Variants in PRKCA observed in about 807,000 individuals in gnomAD.
The protein encoded by PRKCA is protein kinase C alpha type.
In PRKCA, 27 loss-of-function variants were observed where a neutral mutation model predicts 87.0. That is an observed-to-expected ratio of 0.31 (90% CI 0.23 to 0.43). PRKCA has a LOEUF of 0.43. PRKCA is among the 20% of genes least tolerant of loss of function. The probability of loss-of-function intolerance (pLI) is 1.00; values close to 1 mark genes in which losing one functional copy is unlikely to be tolerated. For synonymous variants in PRKCA, 329 were observed against 311.1 expected, an observed-to-expected ratio of 1.06 and a Z score of -0.61; for missense variants, 518 against 852.3, an observed-to-expected ratio of 0.61 and a Z score of 4.88.
At chr17:66,712,185 C>T (rs950495679) in intron 8 of PRKCA, among the ~76,000 whole-genome samples, 3 of 152,132 alleles carry the variant, frequency 2.0e-5, no homozygotes, top group Non-Finnish European at 4.4e-5. Context: ...AGAGGCACCT[C>T]TTGATCACTC....
chr17:66,556,884 A>G (rs1968512195), intron 3 of PRKCA, among the ~76,000 whole-genome samples: 1 of 152,182 alleles, frequency 6.6e-6, no homozygotes, highest in African/African-American at 2.4e-5. Flanking sequence ...TGTCCTTATA[A>G]CAGCATGAGA....
At chr17:66,326,995 G>A (rs927620695) in intron 2 of PRKCA, among the ~76,000 whole-genome samples, 5 of 152,094 alleles carry the variant, frequency 3.3e-5, no homozygotes, top group African/African-American at 1.2e-4. Flanking sequence ...CTTGAGCCCT[G>A]GAGTTGAAGG....
At chr17:66,762,204 C>T (rs1223240596) in intron 13 of PRKCA, among the ~76,000 whole-genome samples, 2 of 152,186 alleles carry the variant, frequency 1.3e-5, no homozygotes, top group Admixed American at 6.5e-5. Context: ...CAAAATGTTT[C>T]CTCTGTCCCC....
At chr17:66,491,318 G>A (rs1916235297) in intron 2 of PRKCA, among the ~76,000 whole-genome samples, 2 of 152,144 alleles carry the variant, frequency 1.3e-5, no homozygotes, top group Admixed American at 6.5e-5. Flanking sequence ...CAAAGTCTTT[G>A]AAGATGAGGC....
intron 13 of PRKCA, among the ~76,000 whole-genome samples, chr17:66,773,771 T>G (rs1051541332): frequency 3.9e-5 from 6 of 152,086 alleles, no homozygotes; most frequent in Non-Finnish European, 8.8e-5. Context: ...CAGAACAAGA[T>G]TCCCCAAACC....
intron 2 of PRKCA, among the ~76,000 whole-genome samples, chr17:66,474,887 A>T (rs757862012): frequency 1.3e-5 from 2 of 152,162 alleles, no homozygotes; most frequent in African/African-American, 2.4e-5. Context: ...GATCTGCAGC[A>T]GCAACAGCTC....
rs1972803185 is a variant in PRKCA, at chr17:66,692,214, A to G, written c.918+3167A>G. On this transcript the variant is annotated intron_variant, in intron 8 of 16. Transcript: ENST00000413366. ...GTCTGTGTTTGGAGCATCTACATGAACTGCATTCTAACCTTTGCTTTAAAT... is the reference window on the plus strand; with the variant it reads ...GTCTGTGTTTGGAGCATCTACATGAGCTGCATTCTAACCTTTGCTTTAAAT... Among the ~76,000 whole-genome samples, 3 of 152,278 alleles carry G rather than the reference A, an allele frequency of 2.0e-5. 1 individual carries two copies. The highest frequency in any genetic ancestry group is 2.0e-4 in the Admixed American group (3 of 15,302).
intron 8 of PRKCA, among the ~76,000 whole-genome samples, chr17:66,708,749 T>G (rs1406284990): frequency 6.6e-6 from 1 of 152,168 alleles, no homozygotes; most frequent in African/African-American, 2.4e-5. Context: ...CAGGCAACCC[T>G]CTGAGAAAGA....
chr17:66,489,434 T>C (rs1219607468), intron 2 of PRKCA, among the ~76,000 whole-genome samples: 1 of 147,322 alleles, frequency 6.8e-6, no homozygotes, highest in Non-Finnish European at 1.5e-5. Context: ...GTGTTAGATG[T>C]AAATAGGGAT....
intron 3 of PRKCA, among the ~76,000 whole-genome samples, chr17:66,499,544 A>G (rs1397665245): frequency 6.6e-6 from 1 of 152,200 alleles, no homozygotes; most frequent in Non-Finnish European, 1.5e-5. Context: ...AACTCATTTC[A>G]TGCTCAGATT....
Position 66,809,435 on chromosome 17 carries a change from C to T in PRKCA, c.*5398C>T, listed in dbSNP as rs9895241. On this transcript the variant is annotated 3_prime_UTR_variant, in exon 17 of 17. Coordinates refer to ENST00000413366, the MANE Select transcript of PRKCA (RefSeq NM_002737.3). The stretch of plus-strand genomic sequence containing the variant: ...AAAGGAAGAAATTATTTGTTAATTC[C>T]AGTAGAGCAACTGAATATACTGGGC... The T allele has an allele frequency of 0.084, 12,747 of 152,564 alleles. 1,149 individuals carry two copies. Among genetic ancestry groups the T allele is most frequent in the African/African-American group, 0.22 (9,241 of 41,474 alleles). The allele number at this position is 152,564 out of a possible 1,614,324, so 9.5% of individuals were successfully genotyped here.
intron 13 of PRKCA, among the ~76,000 whole-genome samples, chr17:66,743,354 G>A (rs1974199235): frequency 6.6e-6 from 1 of 152,192 alleles, no homozygotes; most frequent in Non-Finnish European, 1.5e-5. Context: ...TTGAGTGGAG[G>A]GAATTACTTG....
At chr17:66,784,431 G>A (rs141658887) in intron 14 of PRKCA, among the ~76,000 whole-genome samples, 3 of 152,298 alleles carry the variant, frequency 2.0e-5, no homozygotes, top group African/African-American at 7.2e-5. Context: ...GTTTTTAGTA[G>A]AGATGAAGTT....
chr17:66,367,675 C>T (rs1908815187), intron 2 of PRKCA, among the ~76,000 whole-genome samples: 1 of 152,144 alleles, frequency 6.6e-6, no homozygotes, highest in East Asian at 1.9e-4. Flanking sequence ...AAAAGCTGTC[C>T]TGTTGTAGTC....
chr17:66,326,594 T>C (rs1905996130), intron 2 of PRKCA, among the ~76,000 whole-genome samples: 1 of 152,218 alleles, frequency 6.6e-6, no homozygotes, highest in South Asian at 2.1e-4. Flanking sequence ...TGAGAGCTGC[T>C]AGGAGCGCAG....
chr17:66,354,102 TCGCAGA>T (rs1185258814), intron 2 of PRKCA, among the ~76,000 whole-genome samples: 2 of 152,196 alleles, frequency 1.3e-5, no homozygotes, highest in African/African-American at 4.8e-5. Context: ...GTGGCTAGGA[TCGCAGA>T]CGCGAACATT....
intron 13 of PRKCA, among the ~76,000 whole-genome samples, chr17:66,764,450 A>G (rs932257480): frequency 6.6e-5 from 10 of 152,160 alleles, no homozygotes; most frequent in African/African-American, 1.9e-4. Context: ...GTACAAGACA[A>G]GAAGCTACCC....
At chr17:66,504,661 G>A (rs143323998) in intron 3 of PRKCA, among the ~76,000 whole-genome samples, 4 of 152,218 alleles carry the variant, frequency 2.6e-5, no homozygotes, top group African/African-American at 9.6e-5. Context: ...AAATGCTGCT[G>A]AGTTTAGCAG....
chr17:66,746,663 G>A (rs546379518), intron 13 of PRKCA, among the ~76,000 whole-genome samples: 49 of 152,204 alleles, frequency 3.2e-4, no homozygotes, highest in Non-Finnish European at 4.6e-4. Context: ...GCGAAGCCGA[G>A]CTGAGGCAAA....
Sources: gnomAD v4.1 joint callset for allele counts (sites outside exome capture counted in the v4.1 genomes callset) on GRCh38, gnomAD v4.1.1 for gene constraint, MANE v1.5 for transcripts, NCBI Gene and HGNC (gene_info 2026-07-23, HGNC 2026-07-21) for gene names.